PCDHA8: variants seen among roughly 807,000 people sequenced by gnomAD.
PCDHA8 encodes protocadherin alpha-8.
Under a neutral mutation model 61.8 loss-of-function variants are expected in PCDHA8, and 53 were observed. That is an observed-to-expected ratio of 0.86 (90% CI 0.69 to 1.08). The LOEUF is 1.08. Among genes scored for constraint, PCDHA8 ranks in the 50% least tolerant of loss-of-function variants. The probability of loss-of-function intolerance (pLI) is 0.00; values close to 1 mark genes in which losing one functional copy is unlikely to be tolerated. For missense variants in PCDHA8, 1,293 were observed against 1,245.0 expected (o/e 1.04, Z -0.58); for synonymous variants, 618 against 556.6 (o/e 1.11, Z -1.55).
At position 140,879,675 on chromosome 5, in the gene PCDHA8, G is replaced by T. The variant is rs141369145; in HGVS notation, c.2394+35960G>T. ...TATAACAAACGAACACAAACTGGGT[G>T]CTGTAAAACAGCAAAAGTTTATTAT... On this transcript the variant is annotated intron_variant, in intron 1 of 3. Transcript: ENST00000531613. 5.3e-5 allele frequency among the ~76,000 whole-genome samples: 8 copies of T among 152,360 alleles called. No homozygotes were observed. The East Asian group carries it at 1.3e-3, about 26-fold the overall frequency.
intron 1 of PCDHA8, chr5:140,862,965 C>G (rs1358517266): frequency 1.8e-6 from 1 of 543,786 alleles, no homozygotes; most frequent in Admixed American, 1.9e-5. Flanking sequence ...TCAGTGGATG[C>G]AGGCCACTTG....
intron 1 of PCDHA8, chr5:140,868,773 G>T: frequency 3.8e-6 from 1 of 263,102 alleles, no homozygotes. Flanking sequence ...GTTTCAATAT[G>T]ACTTATAATC....
At chr5:140,882,069 G>T in intron 1 of PCDHA8, 1 of 844,446 alleles carries the variant, frequency 1.2e-6, no homozygotes, top group Non-Finnish European at 1.8e-6. Flanking sequence ...ACGTTCATGC[G>T]CATGGTGTCG....
intron 1 of PCDHA8, among the ~76,000 whole-genome samples, chr5:140,885,740 GTTACT>G (rs1554182262): frequency 2.6e-5 from 4 of 152,016 alleles, no homozygotes; most frequent in African/African-American, 9.7e-5. Context: ...ATATTTCACT[GTTACT>G]TTAATTTTAA....
chr5:140,971,702 T>G (rs1411821487), intron 1 of PCDHA8, among the ~76,000 whole-genome samples: 6 of 152,138 alleles, frequency 3.9e-5, no homozygotes, highest in African/African-American at 1.4e-4. Flanking sequence ...CTAACCACCC[T>G]GCTATATAGA....
chr5:140,866,259 T>C (rs2049241676), intron 1 of PCDHA8: 1 of 152,166 alleles, frequency 6.6e-6, no homozygotes, highest in South Asian at 2.1e-4. Context: ...CCTTCTTTCT[T>C]TACTGTGAAT....
At chr5:140,869,227 G>C (rs782048898) in intron 1 of PCDHA8, 1 of 1,613,788 alleles carries the variant, frequency 6.2e-7, no homozygotes, top group South Asian at 1.1e-5. Context: ...GGCCAAACAC[G>C]GCACCTTCGT....
intron 1 of PCDHA8, chr5:140,859,530 T>G (rs535138857): frequency 5.6e-4 from 108 of 191,500 alleles, no homozygotes; most frequent in Non-Finnish European, 9.8e-4. Context: ...TAAAAAAAAT[T>G]TATTAATTCT....
chr5:140,883,481 T>C (rs1401240290), intron 1 of PCDHA8: 1 of 1,614,166 alleles, frequency 6.2e-7, no homozygotes, highest in East Asian at 2.2e-5. Flanking sequence ...CAAGAACTAC[T>C]ACTCATTAGT....
At chr5:140,853,463 A>G in intron 1 of PCDHA8, 1 of 972,934 alleles carries the variant, frequency 1.0e-6, no homozygotes, top group Non-Finnish European at 1.2e-6. Context: ...CCTTATATGC[A>G]TCTGTAGTTA....
intron 1 of PCDHA8, among the ~76,000 whole-genome samples, chr5:140,960,401 G>C (rs1219932748): frequency 2.0e-5 from 3 of 151,956 alleles, no homozygotes; most frequent in African/African-American, 7.3e-5. Flanking sequence ...TGCAAGGGGG[G>C]GTGCCCAAAA....
At chr5:140,968,288 C>A in intron 1 of PCDHA8, 1 of 1,613,976 alleles carries the variant, frequency 6.2e-7, no homozygotes, top group Non-Finnish European at 8.5e-7. Context: ...GACCTACTCC[C>A]TTCTGGAGAG....
intron 1 of PCDHA8, chr5:140,966,731 G>A: frequency 7.1e-7 from 1 of 1,405,136 alleles, no homozygotes; most frequent in Non-Finnish European, 9.2e-7. Context: ...TGCCGCCTCC[G>A]GCCCTGCCCG....
chr5:140,915,937 G>A (rs782632336), intron 1 of PCDHA8, among the ~76,000 whole-genome samples: 7 of 152,104 alleles, frequency 4.6e-5, no homozygotes, highest in African/African-American at 7.2e-5. Flanking sequence ...GTCAGGGATT[G>A]GAGTCAAAAT....
intron 1 of PCDHA8, chr5:140,861,363 G>A: frequency 2.8e-6 from 1 of 354,256 alleles, no homozygotes; most frequent in Non-Finnish European, 5.8e-6. Flanking sequence ...TAGCGTCTTC[G>A]CGGTCCCTAT....
chr5:140,980,608 G>A (rs994415170), intron 2 of PCDHA8, among the ~76,000 whole-genome samples: 6 of 151,850 alleles, frequency 4.0e-5, no homozygotes, highest in African/African-American at 7.3e-5. Context: ...CCAGCCTGGC[G>A]ACAGTGCGAG....
chr5:140,877,815 A>T (rs782076422), intron 1 of PCDHA8: 21 of 1,609,380 alleles, frequency 1.3e-5, no homozygotes, highest in Non-Finnish European at 1.7e-5. Context: ...TGTCTCGAGA[A>T]GATTGTTTAA....
chr5:140,979,329 C>T (rs782808442), intron 2 of PCDHA8, among the ~76,000 whole-genome samples: 3 of 152,162 alleles, frequency 2.0e-5, no homozygotes, highest in Non-Finnish European at 2.9e-5. Flanking sequence ...TTCTTTTCCT[C>T]CTTTAAAAAC....
intron 1 of PCDHA8, chr5:140,866,269 TAAAG>T (rs2049248752): frequency 2.6e-5 from 4 of 152,174 alleles, no homozygotes; most frequent in Admixed American, 2.6e-4. Context: ...TTACTGTGAA[TAAAG>T]ACAGTGTTTG....
Sources: allele counts gnomAD v4.1 joint callset (sites outside exome capture counted in the v4.1 genomes callset), GRCh38; gene constraint gnomAD v4.1.1; transcripts MANE v1.5; gene names NCBI Gene and HGNC (gene_info 2026-07-23, HGNC 2026-07-21).